The following POM121 variants were observed in gnomAD, a reference collection of about 807,000 sequenced individuals.
POM121 encodes the protein POM121 transmembrane nucleoporin.
In POM121, 32 loss-of-function variants were observed where a neutral mutation model predicts 81.3. The ratio of observed to expected loss-of-function variants is 0.39; its 90% confidence interval spans 0.30 to 0.53. The LOEUF is 0.53. POM121 is among the 20% of genes least tolerant of loss of function. POM121 has a pLI of 0.66. For synonymous variants in POM121, 514 were observed against 694.2 expected (o/e 0.74, Z 4.08); for missense variants, 1,138 against 1,614.6 (o/e 0.70, Z 5.06).
At chr7:72,927,056 C>T in intron 3 of POM121, 93 bp downstream of exon 3, 1 of 1,594,230 alleles carries the variant, frequency 6.3e-7, no homozygotes, top group Non-Finnish European at 8.6e-7. Context: ...GAGGCCATCT[C>T]CAGTTTATGA....
At chr7:72,884,227 A>G (rs1267638178) in intron 1 of POM121, among the ~76,000 whole-genome samples, 1 of 152,132 alleles carries the variant, frequency 6.6e-6, no homozygotes, top group African/African-American at 2.4e-5. Context: ...ATAAATTTCT[A>G]TTCTCTATTT....
Position 72,941,699 on chromosome 7 carries a change from A to C in POM121, c.1844-138A>C, listed in dbSNP as rs1330669013. ...TCCTTGATTTACTGTACAGGCCTGTAGTGTAGACTTAGCTGAGTTTATTGA... is the reference window on the plus strand; with the variant it reads ...TCCTTGATTTACTGTACAGGCCTGTCGTGTAGACTTAGCTGAGTTTATTGA... On this transcript the variant is annotated intron_variant, in intron 10 of 12. Coordinates refer to ENST00000434423, the MANE Select transcript of POM121 (RefSeq NM_001387691.1). The C allele has an allele frequency of 6.0e-6, 6 of 992,232 alleles. No individual in the cohort carries two copies. In the African/African-American group the frequency reaches 1.0e-4, roughly 17 times the overall value. 61.5% of individuals were successfully genotyped at this position (992,232 alleles called of 1,614,324 possible).
chr7:72,933,989 C>G (rs1394840765), intron 5 of POM121, among the ~76,000 whole-genome samples: 1 of 152,122 alleles, frequency 6.6e-6, no homozygotes, highest in Non-Finnish European at 1.5e-5. Flanking sequence ...TTTTAAAAAT[C>G]TTTTAATATG....
chr7:72,919,882 T>TG (rs1363508639), intron 4 of POM121, among the ~76,000 whole-genome samples: 2 of 152,238 alleles, frequency 1.3e-5, no homozygotes, highest in Non-Finnish European at 2.9e-5. Context: ...TCTTCTCACT[T>TG]GCACTATTTC....
chr7:72,950,099 G>A (rs782772540), downstream of POM121: 3 of 1,587,768 alleles, frequency 1.9e-6, no homozygotes, highest in African/African-American at 1.4e-5. Flanking sequence ...TACAGTGGGT[G>A]TTCATGCAGA....
At chr7:72,945,287 G>T (rs569029986) in intron 11 of POM121, among the ~76,000 whole-genome samples, 481 of 151,028 alleles carry the variant, frequency 3.2e-3, no homozygotes, top group African/African-American at 0.011. Context: ...GGAGGCGGGG[G>T]CCCCAGAGTA....
upstream of POM121, among the ~76,000 whole-genome samples, chr7:72,920,482 G>A (rs1195996651): frequency 6.6e-6 from 1 of 151,640 alleles, no homozygotes; most frequent in African/African-American, 2.4e-5. Context: ...CCGAGTAGCT[G>A]GGACTACAGG....
intron 1 of POM121, 132 bp downstream of exon 1, chr7:72,925,897 C>T (rs1795395461): frequency 5.2e-6 from 6 of 1,163,014 alleles, no homozygotes; most frequent in Non-Finnish European, 6.9e-6. Context: ...CTCCTTAACA[C>T]CTTGGTGTGT....
Position 72,902,895 on chromosome 7 carries a change from A to G in POM121, c.-215-10870A>G, listed in dbSNP as rs533241681. Among the ~76,000 whole-genome samples, 6 of 152,244 alleles carry G rather than the reference A, an allele frequency of 3.9e-5. No homozygotes were observed. In the East Asian group the frequency reaches 1.2e-3, roughly 29 times the overall value. On this transcript the variant is annotated intron_variant, in intron 3 of 15. Transcript: ENST00000395270. ...TTTGTTGAGACATTGTTCTCCTTGT[A>G]TCCTTTAACTCTTTATTCATCGTTT...
intron 3 of POM121, among the ~76,000 whole-genome samples, chr7:72,902,642 C>G (rs1350791343): frequency 5.3e-5 from 8 of 152,070 alleles, no homozygotes; most frequent in African/African-American, 1.9e-4. Context: ...AATTCTCCCA[C>G]CTCAGCCTCC....
intron 3 of POM121, among the ~76,000 whole-genome samples, chr7:72,898,340 C>T (rs1433517480): frequency 1.2e-4 from 19 of 152,272 alleles, no homozygotes; most frequent in Admixed American, 4.6e-4. Flanking sequence ...GCGATCCTCC[C>T]GTCTTGACCT....
chr7:72,948,569 G>A (rs558852786), downstream of POM121: 2 of 1,613,000 alleles, frequency 1.2e-6, no homozygotes, highest in Admixed American at 1.7e-5. Flanking sequence ...GTGCGTTCTG[G>A]TGCTGATGCT....
chr7:72,933,143 G>A lies in POM121; in HGVS notation c.1275+3032G>A, dbSNP rs189258186. The stretch of plus-strand genomic sequence containing the variant: ...GAGGCAGGTGGATCACCTGAAATCC[G>A]GAGTTTGAGACCAGCCTGGCCAACG... On this transcript the variant is annotated intron_variant, in intron 5 of 12. Coordinates refer to ENST00000434423, the MANE Select transcript of POM121 (RefSeq NM_001387691.1). Among the ~76,000 whole-genome samples the A allele has an allele frequency of 7.3e-5, 11 of 151,686 alleles. No homozygotes were observed. The East Asian group carries it at 1.7e-3, about 24-fold the overall frequency.
At chr7:72,901,968 C>T (rs1171765578) in intron 3 of POM121, among the ~76,000 whole-genome samples, 6 of 151,390 alleles carry the variant, frequency 4.0e-5, no homozygotes, top group East Asian at 2.0e-4. Flanking sequence ...CAAAATTAGC[C>T]GGGCATGGTG....
intron 3 of POM121, among the ~76,000 whole-genome samples, chr7:72,912,298 G>A (rs1554494378): frequency 6.6e-6 from 1 of 152,226 alleles, no homozygotes; most frequent in Non-Finnish European, 1.5e-5. Flanking sequence ...TACAGCCCAT[G>A]TCTTCAAAGA....
chr7:72,880,463 G>A (rs1314072210), intron 1 of POM121, among the ~76,000 whole-genome samples: 10 of 152,036 alleles, frequency 6.6e-5, no homozygotes, highest in Admixed American at 6.6e-4. Context: ...AGATTATTAG[G>A]TGCAGCAATA....
At position 72,925,574 on chromosome 7, in the gene POM121, C is replaced by T. The variant is rs782284172; in HGVS notation, c.453C>T (p.Ala151=). Reference sequence around the variant, plus strand: ...AGCCCGGGCCGCCGCAGCCCGCCGCCGCTCCGGAGGGCCAGGACCTGCGGG... The same window carrying T: ...AGCCCGGGCCGCCGCAGCCCGCCGCTGCTCCGGAGGGCCAGGACCTGCGGG... ...LGKPGPPQPA[A]APEGQDLRDR... is the part of the protein sequence containing the mutation. Residue 151 remains alanine (A), a synonymous_variant, in exon 1 of 13, where the codon GCC becomes GCT. Transcript: ENST00000434423. The T allele has an allele frequency of 1.3e-6, 2 of 1,531,448 alleles. No individual in the cohort carries two copies. The highest frequency in any genetic ancestry group is 1.4e-5 in the African/African-American group (1 of 72,706). The allele number at this position is 1,531,448 out of a possible 1,614,324, so 94.9% of individuals were successfully genotyped here. A position where few individuals can be genotyped will look rare whatever the true frequency, so the allele number is the denominator to read the frequency against.
intron 1 of POM121, among the ~76,000 whole-genome samples, chr7:72,881,955 A>T (rs1394904726): frequency 3.3e-5 from 5 of 152,224 alleles, no homozygotes; most frequent in Non-Finnish European, 5.9e-5. Flanking sequence ...AAAATGGGAA[A>T]GTGGAAATAG....
Position 72,925,104 on chromosome 7 carries a change from C to G in POM121, c.-18C>G, listed in dbSNP as rs1795232071. 2 of 1,398,602 alleles carry G rather than the reference C, an allele frequency of 1.4e-6. No individual in the cohort carries two copies. Among genetic ancestry groups the G allele is most frequent in the Non-Finnish European group, 9.2e-7 (1 of 1,091,306 alleles). 86.6% of individuals were successfully genotyped at this position (1,398,602 alleles called of 1,614,324 possible). The stretch of plus-strand genomic sequence containing the variant: ...GCACGCTGGGATATTTAAGTCTCCT[C>G]CGCGGCGCGGAGCCGCGATGTCTCC... On this transcript the variant is annotated 5_prime_UTR_variant, in exon 1 of 13. Coordinates refer to ENST00000434423, the MANE Select transcript of POM121 (RefSeq NM_001387691.1).
Sources: gnomAD v4.1 joint callset for allele counts (sites outside exome capture counted in the v4.1 genomes callset) on GRCh38, gnomAD v4.1.1 for gene constraint, MANE v1.5 for transcripts, NCBI Gene and HGNC (gene_info 2026-07-23, HGNC 2026-07-21) for gene names.